The following ENOX2 variants were observed in gnomAD, a reference collection of about 807,000 sequenced individuals.
ENOX2 encodes APK1 antigen.
Under a neutral mutation model 45.0 loss-of-function variants are expected in ENOX2, and 36 were observed. The ratio of observed to expected loss-of-function variants is 0.80; its 90% CI spans 0.61 to 1.06. The LOEUF is 1.06. Among genes scored for constraint, ENOX2 ranks in the 50% least tolerant of loss-of-function variants. The probability of loss-of-function intolerance (pLI) is 0.00; values close to 1 mark genes in which losing one functional copy is unlikely to be tolerated. For missense variants in ENOX2, 423 were observed against 462.5 expected (o/e 0.91, Z 0.78); for synonymous variants, 174 against 152.3 (o/e 1.14, Z -1.05).
chrX:130,783,861 G>T (rs1407383523), intron 2 of ENOX2, among the ~76,000 whole-genome samples, 171 bp from the exon 3 acceptor site: 1 of 111,885 alleles, frequency 8.9e-6, no homozygotes, highest in Non-Finnish European at 1.9e-5. Context: ...GATCTTTTCG[G>T]TAAGTACAAA....
chrX:130,825,821 T>A lies in ENOX2; in HGVS notation c.-182-42131A>T, dbSNP rs369015176. Among the ~76,000 whole-genome samples, 4 of 110,422 alleles carry A rather than the reference T, an allele frequency of 3.6e-5. No individual in the cohort carries two copies. The East Asian group carries it at 8.5e-4, about 24-fold the overall frequency. On this transcript the variant is annotated intron_variant, in intron 2 of 14. Coordinates refer to ENST00000394363, the MANE Select transcript of ENOX2 (RefSeq NM_006375.4). ...CAATAGATTACAAGAGGAAGAAGGC[T>A]GAGTACAATGCATAAGATATTATGA...
chrX:130,863,880 T>A (rs997372163), intron 2 of ENOX2, among the ~76,000 whole-genome samples: 3 of 111,861 alleles, frequency 2.7e-5, no homozygotes, highest in African/African-American at 9.7e-5. Context: ...TACATTTAAC[T>A]GTAGTTAGTA....
chrX:130,684,738 T>A (rs1603305626), intron 5 of ENOX2, among the ~76,000 whole-genome samples: 1 of 111,999 alleles, frequency 8.9e-6, no homozygotes, highest in East Asian at 2.8e-4. Flanking sequence ...ATTCTACAAA[T>A]TATATAGTTG....
intron 2 of ENOX2, among the ~76,000 whole-genome samples, chrX:130,897,765 C>CT (rs2079082048): frequency 8.9e-6 from 1 of 112,033 alleles, no homozygotes; most frequent in African/African-American, 3.2e-5. Flanking sequence ...ATCAGGCAGT[C>CT]TAAGAAGTCT....
intron 3 of ENOX2, among the ~76,000 whole-genome samples, chrX:130,776,078 C>T (rs911714104): frequency 3.6e-5 from 4 of 111,397 alleles, no homozygotes; most frequent in African/African-American, 9.8e-5. Flanking sequence ...TTAAGGCTAG[C>T]GAGGACCTTA....
chrX:130,740,896 T>C (rs891297409), intron 3 of ENOX2, among the ~76,000 whole-genome samples: 1 of 111,570 alleles, frequency 9.0e-6, no homozygotes, highest in Non-Finnish European at 1.9e-5. Context: ...TGCTGTATTA[T>C]CTTGGGTTAA....
chrX:130,789,955 T>C (rs755431245), intron 2 of ENOX2, among the ~76,000 whole-genome samples: 1 of 112,543 alleles, frequency 8.9e-6, no homozygotes, highest in South Asian at 3.7e-4. Context: ...TGAGGGAATA[T>C]TTACAATGTC....
chrX:130,801,275 G>C (rs2077211859), intron 2 of ENOX2, among the ~76,000 whole-genome samples: 1 of 112,142 alleles, frequency 8.9e-6, no homozygotes, highest in Non-Finnish European at 1.9e-5. Flanking sequence ...GTGGGGGAAG[G>C]GGGAAGGTAT....
chrX:130,813,631 C>T (rs998899183), intron 2 of ENOX2, among the ~76,000 whole-genome samples: 35 of 111,702 alleles, frequency 3.1e-4, no homozygotes, highest in African/African-American at 9.1e-4. Flanking sequence ...CATCACCTCA[C>T]GCGGGAAGCT....
At chrX:130,879,149 G>T (rs1419486618) in intron 2 of ENOX2, among the ~76,000 whole-genome samples, 1 of 111,590 alleles carries the variant, frequency 9.0e-6, no homozygotes, top group Non-Finnish European at 1.9e-5. Context: ...CAAACCCCAC[G>T]GTCAAGGTTT....
chrX:130,897,796 T>C (rs910454518), intron 2 of ENOX2, among the ~76,000 whole-genome samples: 23 of 111,936 alleles, frequency 2.1e-4, no homozygotes, highest in African/African-American at 6.2e-4. Flanking sequence ...CTGAAGACAA[T>C]GGACAGCCTT....
intron 3 of ENOX2, among the ~76,000 whole-genome samples, chrX:130,746,179 A>G (rs1299191049): frequency 8.9e-6 from 1 of 112,164 alleles, no homozygotes; most frequent in Non-Finnish European, 1.9e-5. Flanking sequence ...CCCAGCATAC[A>G]CATTTCTTTT....
In ENOX2 at chrX:130,840,514, TCTTTTAAAAA is replaced by T. The variant is rs1569507855; in HGVS notation, c.-182-56834_-182-56825del. Among the ~76,000 whole-genome samples, 79 of 104,038 alleles carry T rather than the reference TCTTTTAAAAA, an allele frequency of 7.6e-4. 1 individual carries two copies. The highest frequency in any genetic ancestry group is 2.7e-3 in the African/African-American group (75 of 27,496). 90.3% of individuals were successfully genotyped at this position (104,038 alleles called of 115,157 possible). ...CACACTTATAATACAAGATTTTCTC[TCTTTTAAAAA>T]ATAAATAAATAAATAAATAAATAAA... On this transcript the variant is annotated intron_variant, in intron 2 of 14. Transcript: ENST00000394363.
At chrX:130,881,573 A>G (rs1181912721) in intron 2 of ENOX2, among the ~76,000 whole-genome samples, 1 of 111,975 alleles carries the variant, frequency 8.9e-6, no homozygotes, top group East Asian at 2.8e-4. Flanking sequence ...ATTTTGAGAA[A>G]CACTGTGATT....
intron 3 of ENOX2, among the ~76,000 whole-genome samples, chrX:130,777,766 T>C (rs899801623): frequency 1.3e-4 from 14 of 111,915 alleles, no homozygotes; most frequent in Non-Finnish European, 2.1e-4. Context: ...TGGACAGTCC[T>C]TGAAAATGAA....
At chrX:130,773,242 C>T (rs2039781012) in intron 3 of ENOX2, among the ~76,000 whole-genome samples, 1 of 111,939 alleles carries the variant, frequency 8.9e-6, no homozygotes, top group African/African-American at 3.2e-5. Context: ...GTATTATTAC[C>T]TCTATTTTGT....
At chrX:130,791,187 T>G (rs2077036660) in intron 2 of ENOX2, among the ~76,000 whole-genome samples, 1 of 111,601 alleles carries the variant, frequency 9.0e-6, no homozygotes, top group Non-Finnish European at 1.9e-5. Context: ...ATACTTTTCC[T>G]GAGCCTTTTA....
At chrX:130,838,021 T>C in intron 2 of ENOX2, among the ~76,000 whole-genome samples, 1 of 112,199 alleles carries the variant, frequency 8.9e-6, no homozygotes, top group Admixed American at 9.4e-5. Context: ...TGCATCTCTC[T>C]GCTTTATATT....
intron 2 of ENOX2, among the ~76,000 whole-genome samples, chrX:130,874,813 C>T (rs1369129934): frequency 9.0e-6 from 1 of 111,402 alleles, no homozygotes; most frequent in Non-Finnish European, 1.9e-5. Context: ...CACACAGCCA[C>T]TCCCCGCCCA....
Sources: allele counts gnomAD v4.1 joint callset (sites outside exome capture counted in the v4.1 genomes callset), GRCh38; gene constraint gnomAD v4.1.1; transcripts MANE v1.5; gene names NCBI Gene and HGNC (gene_info 2026-07-23, HGNC 2026-07-21).